SPIDR: variants seen among roughly 807,000 people sequenced by gnomAD.
SPIDR encodes the protein scaffold protein involved in DNA repair.
Under a neutral mutation model 104.6 loss-of-function variants are expected in SPIDR, and 93 were observed. The observed-to-expected ratio is 0.89, with a 90% CI of 0.75 to 1.06. The LOEUF is 1.06. Among genes scored for constraint, SPIDR ranks in the 50% least tolerant of loss-of-function variants. The probability of loss-of-function intolerance (pLI) is 0.00; values close to 1 mark genes in which losing one functional copy is unlikely to be tolerated. For synonymous variants in SPIDR, 431 were observed against 416.9 expected (o/e 1.03, Z -0.41); for missense variants, 1,154 against 1,111.2 (o/e 1.04, Z -0.55).
At chr8:47,663,307 A>G (rs1288776465) in intron 10 of SPIDR, among the ~76,000 whole-genome samples, 2 of 152,050 alleles carry the variant, frequency 1.3e-5, no homozygotes, top group African/African-American at 4.8e-5. Context: ...CCTATCACTC[A>G]CACAGTCTGT....
chr8:47,311,716 T>C (rs2044197031), intron 5 of SPIDR, among the ~76,000 whole-genome samples: 2 of 152,090 alleles, frequency 1.3e-5, no homozygotes, highest in Non-Finnish European at 1.5e-5. Flanking sequence ...TGACTTCTTT[T>C]TTTTTTTATA....
chr8:47,311,842 T>C (rs185040005), intron 5 of SPIDR, among the ~76,000 whole-genome samples: 1 of 152,246 alleles, frequency 6.6e-6, no homozygotes, highest in Admixed American at 6.5e-5. Context: ...TAACATTAGG[T>C]ATACCTCCTA....
At chr8:47,489,060 T>C (rs1361593112) in intron 8 of SPIDR, among the ~76,000 whole-genome samples, 3 of 152,190 alleles carry the variant, frequency 2.0e-5, no homozygotes, top group Non-Finnish European at 4.4e-5. Flanking sequence ...GGAAGTCAAA[T>C]TGTCCCTGTT....
At chr8:47,327,322 T>A (rs2047831835) in intron 5 of SPIDR, among the ~76,000 whole-genome samples, 1 of 152,164 alleles carries the variant, frequency 6.6e-6, no homozygotes, top group African/African-American at 2.4e-5. Context: ...CTATATATTC[T>A]GGATACTAGA....
chr8:47,614,501 C>T (rs1391476669), intron 10 of SPIDR, among the ~76,000 whole-genome samples: 3 of 152,150 alleles, frequency 2.0e-5, no homozygotes, highest in Admixed American at 6.5e-5. Flanking sequence ...GAATTATAGG[C>T]GTAAGCCACC....
At chr8:47,544,429 A>G (rs1275060038) in intron 8 of SPIDR, among the ~76,000 whole-genome samples, 1 of 152,206 alleles carries the variant, frequency 6.6e-6, no homozygotes, top group East Asian at 1.9e-4. Context: ...TGTCACGTCT[A>G]AGAACTCTTC....
intron 11 of SPIDR, among the ~76,000 whole-genome samples, chr8:47,678,884 C>G (rs1045679513): frequency 3.3e-5 from 5 of 152,172 alleles, no homozygotes; most frequent in Non-Finnish European, 5.9e-5. Flanking sequence ...TATCAGAAGC[C>G]AAGCTCAGTC....
At chr8:47,303,076 G>A (rs1209577207) in intron 5 of SPIDR, among the ~76,000 whole-genome samples, 7 of 152,226 alleles carry the variant, frequency 4.6e-5, no homozygotes, top group Non-Finnish European at 1.5e-5. Flanking sequence ...GCCTCCTTGA[G>A]CTGTGGTGCG....
At position 47,540,425 on chromosome 8, in the gene SPIDR, A is replaced by T. The variant is rs894183608; in HGVS notation, c.1098-55386A>T. 2.0e-4 allele frequency among the ~76,000 whole-genome samples: 31 copies of T among 152,316 alleles called. No homozygotes were observed. The Middle Eastern group carries it at 0.01, about 50-fold the overall frequency. On this transcript the variant is annotated intron_variant, in intron 8 of 19. Transcript: ENST00000297423. ...TGTTACTACAGGATGATATTTTTTG[A>T]AAACTTATTTTACCAGGAAAAGCAT...
At chr8:47,669,228 C>CTTGTCCCCATGTAAGGGGACAGG (rs1554560147) in intron 10 of SPIDR, among the ~76,000 whole-genome samples, 12 of 152,196 alleles carry the variant, frequency 7.9e-5, no homozygotes, top group Non-Finnish European at 1.8e-4. Flanking sequence ...CATGGGGACA[C>CTTGTCCCCATGTAAGGGGACAGG]TTTTCTGCTC....
chr8:47,277,531 ATT>A (rs1352583975), intron 1 of SPIDR, among the ~76,000 whole-genome samples: 1 of 140,062 alleles, frequency 7.1e-6, no homozygotes, highest in Non-Finnish European at 1.6e-5. Context: ...ACCCCTGCTA[ATT>A]TTTTTTTTTT....
intron 2 of SPIDR, among the ~76,000 whole-genome samples, chr8:47,283,333 C>T (rs953769539): frequency 2.6e-5 from 4 of 152,208 alleles, no homozygotes; most frequent in African/African-American, 9.7e-5. Flanking sequence ...GCAGTCAGAA[C>T]ACACACAGCA....
chr8:47,348,886 G>T (rs982932473), intron 5 of SPIDR, among the ~76,000 whole-genome samples: 3 of 152,050 alleles, frequency 2.0e-5, no homozygotes, highest in Non-Finnish European at 2.9e-5. Flanking sequence ...CCTTACGATG[G>T]GTTTAAACAT....
At chr8:47,289,396 A>T (rs1290326152) in intron 3 of SPIDR, among the ~76,000 whole-genome samples, 1 of 152,172 alleles carries the variant, frequency 6.6e-6, no homozygotes, top group Non-Finnish European at 1.5e-5. Flanking sequence ...CATACTGCAT[A>T]GGATAAGATA....
At chr8:47,485,058 AC>A (rs1171526695) in intron 8 of SPIDR, among the ~76,000 whole-genome samples, 3 of 152,206 alleles carry the variant, frequency 2.0e-5, no homozygotes, top group African/African-American at 7.2e-5. Flanking sequence ...GCATGGCCTC[AC>A]CCGGGAAGTG....
intron 8 of SPIDR, among the ~76,000 whole-genome samples, chr8:47,524,598 C>G (rs1477486338): frequency 6.6e-6 from 1 of 152,176 alleles, no homozygotes; most frequent in Non-Finnish European, 1.5e-5. Context: ...GAGACAGGCA[C>G]GTAAACCTCC....
At chr8:47,707,511 G>T (rs2081263503) in intron 14 of SPIDR, among the ~76,000 whole-genome samples, 1 of 152,096 alleles carries the variant, frequency 6.6e-6, no homozygotes, top group Admixed American at 6.6e-5. Context: ...TACAGGATTT[G>T]CAAATATTTT....
In SPIDR at chr8:47,396,526, C is replaced by A. The variant is rs782769636; in HGVS notation, c.676C>A (p.Pro226Thr). The A allele has an allele frequency of 6.2e-7, 1 of 1,613,988 alleles. No homozygotes were observed. The highest frequency in any genetic ancestry group is 2.2e-5 in the East Asian group (1 of 44,856). ...ACAGATTATGGAGAGACTGATAGAT[C>A]CAAGGACAAAATCAACAGAGACCAT... The part of the protein sequence containing the change: ...ARQIMERLID[P>T]RTKSTETILH... Residue 226 changes from proline (P) to threonine (T), a missense_variant, in exon 6 of 20, where the codon CCA becomes ACA. Pro to Thr is a conservative substitution (Grantham distance 38, BLOSUM62 -1). Transcript: ENST00000297423.
intron 11 of SPIDR, among the ~76,000 whole-genome samples, chr8:47,675,697 T>C (rs1238119950): frequency 6.6e-6 from 1 of 152,186 alleles, no homozygotes; most frequent in African/African-American, 2.4e-5. Context: ...ATGCCTGTAG[T>C]CCCAGCTACT....
Sources: gnomAD v4.1 joint callset for allele counts (sites outside exome capture counted in the v4.1 genomes callset) on GRCh38, gnomAD v4.1.1 for gene constraint, MANE v1.5 for transcripts, NCBI Gene and HGNC (gene_info 2026-07-23, HGNC 2026-07-21) for gene names.